Variants in CHST11 observed in about 807,000 individuals in gnomAD.
The protein encoded by CHST11 is C4S-1.
In CHST11, 9 loss-of-function variants were observed where a neutral mutation model predicts 30.4. The ratio of observed to expected loss-of-function variants is 0.30; its 90% CI spans 0.18 to 0.52. The LOEUF is 0.52. Among genes scored for constraint, CHST11 ranks in the 20% least tolerant of loss-of-function variants. The pLI is 0.97. For synonymous variants in CHST11, 152 were observed against 187.8 expected (o/e 0.81, Z 1.56); for missense variants, 348 against 460.6 (o/e 0.76, Z 2.24).
chr12:104,740,969 G>T (rs2040342068), intron 2 of CHST11, among the ~76,000 whole-genome samples: 1 of 152,238 alleles, frequency 6.6e-6, no homozygotes, highest in Admixed American at 6.5e-5. Flanking sequence ...GAGGAAAAAG[G>T]CAGTGAAGTG....
chr12:104,489,114 G>A (rs1433761484), intron 1 of CHST11, among the ~76,000 whole-genome samples: 1 of 151,832 alleles, frequency 6.6e-6, no homozygotes, highest in Non-Finnish European at 1.5e-5. Flanking sequence ...TTGGCTCACT[G>A]CAACCTCCAC....
intron 2 of CHST11, among the ~76,000 whole-genome samples, chr12:104,747,598 C>T (rs1364981455): frequency 6.6e-6 from 1 of 152,072 alleles, no homozygotes; most frequent in African/African-American, 2.4e-5. Context: ...GGTGCTCCTC[C>T]CCCTCCCCCA....
At chr12:104,493,385 T>C (rs1297160699) in intron 1 of CHST11, among the ~76,000 whole-genome samples, 7 of 152,198 alleles carry the variant, frequency 4.6e-5, no homozygotes, top group African/African-American at 1.7e-4. Flanking sequence ...CTTAATTTGC[T>C]CTTTAATAGA....
intron 2 of CHST11, among the ~76,000 whole-genome samples, chr12:104,681,688 A>C (rs2039796623): frequency 6.6e-6 from 1 of 152,126 alleles, no homozygotes; most frequent in African/African-American, 2.4e-5. Context: ...TTCTCTACAG[A>C]AAAAAATAAA....
chr12:104,669,391 C>T (rs1446715575), intron 2 of CHST11, among the ~76,000 whole-genome samples: 1 of 151,632 alleles, frequency 6.6e-6, no homozygotes, highest in East Asian at 1.9e-4. Flanking sequence ...AATCCATTCC[C>T]CCTGCAGCTC....
intron 2 of CHST11, among the ~76,000 whole-genome samples, chr12:104,656,365 A>G (rs974439468): frequency 1.4e-4 from 22 of 152,032 alleles, no homozygotes; most frequent in African/African-American, 4.6e-4. Context: ...CAGGCTCCCT[A>G]CTGCTGAGGT....
At chr12:104,546,306 CAAAAA>C (rs1213013825) in intron 1 of CHST11, among the ~76,000 whole-genome samples, 1 of 137,240 alleles carries the variant, frequency 7.3e-6, no homozygotes, top group African/African-American at 2.7e-5. Flanking sequence ...CCCATCTCTA[CAAAAA>C]AAAAAAATTA....
intron 1 of CHST11, among the ~76,000 whole-genome samples, chr12:104,550,255 C>G (rs1341268652): frequency 6.6e-6 from 1 of 152,178 alleles, no homozygotes; most frequent in Admixed American, 6.5e-5. Context: ...TGGCATTTCC[C>G]CCATGTGGTC....
chr12:104,525,106 CT>C (rs36113644), intron 1 of CHST11, among the ~76,000 whole-genome samples: 73,090 of 139,776 alleles, frequency 0.52, 19,199 homozygotes, highest in Non-Finnish European at 0.58. Context: ...TTTTTTCTTT[CT>C]TTTTTTTTTT....
In CHST11 at chr12:104,601,893, T is replaced by G; in HGVS notation, c.119-13T>G. 6.2e-7 allele frequency: 1 copy of G among 1,607,554 alleles called. No homozygotes were observed. The highest frequency in any genetic ancestry group is 8.5e-7 in the Non-Finnish European group (1 of 1,175,948). ...TTGCTCATTTCTGATGAGCCTTCACTTTCTTTCCTCAGTCATGCGGAGGAA... is the reference window on the plus strand; with the variant it reads ...TTGCTCATTTCTGATGAGCCTTCACGTTCTTTCCTCAGTCATGCGGAGGAA... On this transcript the variant is annotated splice_polypyrimidine_tract_variant and intron_variant, in intron 1 of 2. Coordinates refer to ENST00000303694, the MANE Select transcript of CHST11 (RefSeq NM_018413.6).
intron 1 of CHST11, among the ~76,000 whole-genome samples, chr12:104,489,199 G>C (rs548924773): frequency 1.2e-3 from 183 of 152,152 alleles, no homozygotes; most frequent in African/African-American, 4.2e-3. Flanking sequence ...ACCATTCCCA[G>C]CTAATTTTTG....
At position 104,457,200 on chromosome 12, in the gene CHST11, C is replaced by T. The variant is rs2037357960; in HGVS notation, c.-212C>T. 1 of 447,536 alleles carries T rather than the reference C, an allele frequency of 2.2e-6. No homozygotes were observed. The highest frequency in any genetic ancestry group is 3.6e-5 in the Admixed American group (1 of 27,420). 27.7% of individuals were successfully genotyped at this position (447,536 alleles called of 1,614,324 possible). A position where few individuals can be genotyped will look rare whatever the true frequency, so the allele number is the denominator to read the frequency against. The stretch of plus-strand genomic sequence containing the variant: ...GCGCGCAGCCAGCGGGTCCACGCAT[C>T]TCAGCACTTCCAGACCAACTCCGGC... On this transcript the variant is annotated 5_prime_UTR_variant, in exon 1 of 3. Transcript: ENST00000303694.
At chr12:104,593,857 C>G (rs1235246265) in intron 1 of CHST11, among the ~76,000 whole-genome samples, 1 of 152,184 alleles carries the variant, frequency 6.6e-6, no homozygotes, top group African/African-American at 2.4e-5. Context: ...AGGCACATCA[C>G]AGCACCACGA....
intron 2 of CHST11, among the ~76,000 whole-genome samples, chr12:104,636,846 ACTC>A (rs926858812): frequency 2.0e-5 from 3 of 150,016 alleles, no homozygotes; most frequent in African/African-American, 7.4e-5. Context: ...AACTCCTACT[ACTC>A]CTATTTTTTT....
At chr12:104,607,546 G>A (rs2039017887) in intron 2 of CHST11, among the ~76,000 whole-genome samples, 1 of 152,146 alleles carries the variant, frequency 6.6e-6, no homozygotes, top group Admixed American at 6.5e-5. Flanking sequence ...CGCAGTGGGG[G>A]CCTTTATACA....
intron 1 of CHST11, among the ~76,000 whole-genome samples, chr12:104,537,693 C>CTT (rs3039113): frequency 0.04 from 5,014 of 124,392 alleles, 457 homozygotes; most frequent in African/African-American, 0.14. Context: ...TACCTCCCTG[C>CTT]TTTTTTTTTT....
chr12:104,628,228 T>C (rs17035996), intron 2 of CHST11, among the ~76,000 whole-genome samples: 25,694 of 152,116 alleles, frequency 0.17, 2,237 homozygotes, highest in Admixed American at 0.23. Flanking sequence ...GTTGTCCTGC[T>C]TAATCCCAAC....
intron 1 of CHST11, among the ~76,000 whole-genome samples, chr12:104,576,291 C>T (rs913583386): frequency 1.1e-4 from 16 of 152,108 alleles, no homozygotes; most frequent in Admixed American, 5.9e-4. Flanking sequence ...CAAGGTCACA[C>T]GCTTGGAAGA....
intron 1 of CHST11, among the ~76,000 whole-genome samples, chr12:104,559,552 G>T (rs2038492409): frequency 6.6e-6 from 1 of 152,174 alleles, no homozygotes; most frequent in Non-Finnish European, 1.5e-5. Context: ...AGACCAGCCT[G>T]ACCAACATGG....
Sources: gnomAD v4.1 joint callset for allele counts (sites outside exome capture counted in the v4.1 genomes callset) on GRCh38, gnomAD v4.1.1 for gene constraint, MANE v1.5 for transcripts, NCBI Gene and HGNC (gene_info 2026-07-23, HGNC 2026-07-21) for gene names.